ZNF793: variants seen among roughly 807,000 people sequenced by gnomAD.
The protein encoded by ZNF793 is zinc finger protein 793.
In ZNF793, 5 loss-of-function variants were observed where a neutral mutation model predicts 12.4. That is an observed-to-expected ratio of 0.40 (90% CI 0.21 to 0.84). The LOEUF (loss-of-function observed/expected upper bound fraction) is 0.84, where lower values mean the gene tolerates loss of function less well. Among genes scored for constraint, ZNF793 ranks in the 40% least tolerant of loss-of-function variants. ZNF793 has a pLI of 0.35. For synonymous variants in ZNF793, 162 were observed against 172.4 expected (o/e 0.94, Z 0.47); for missense variants, 456 against 495.0 (o/e 0.92, Z 0.75).
At chr19:37,524,300 A>G (rs2147083887) in intron 5 of ZNF793, among the ~76,000 whole-genome samples, 1 of 152,174 alleles carries the variant, frequency 6.6e-6, no homozygotes, top group South Asian at 2.1e-4. Flanking sequence ...TATTTTTTGT[A>G]AAGATGGGGT....
At chr19:37,521,428 TC>T (rs2042374982) in intron 3 of ZNF793, among the ~76,000 whole-genome samples, 1 of 140,520 alleles carries the variant, frequency 7.1e-6, no homozygotes, top group African/African-American at 2.7e-5. Flanking sequence ...TGGTCAATTC[TC>T]TTTTTTTTTT....
At chr19:37,510,648 C>T (rs2042286646) in intron 2 of ZNF793, among the ~76,000 whole-genome samples, 2 of 151,020 alleles carry the variant, frequency 1.3e-5, no homozygotes, top group South Asian at 2.1e-4. Context: ...TGTGCCACTG[C>T]ACCCTAGCCT....
intron 1 of ZNF793, chr19:37,507,335 G>C (rs2291003): frequency 0.027 from 4,051 of 152,472 alleles, 227 homozygotes; most frequent in East Asian, 0.18. Flanking sequence ...TCATGGGTCT[G>C]GGGTCAGTTG....
chr19:37,537,228 C>T lies in ZNF793; in HGVS notation c.570C>T (p.Cys190=), dbSNP rs764790694. 4.3e-6 allele frequency: 7 copies of T among 1,613,754 alleles called. No individual in the cohort carries two copies. Residue 190 remains cysteine, a synonymous_variant, in exon 8 of 8, where the codon TGC becomes TGT. Transcript: ENST00000627814. ...RRPNGEKPRG[C]SHCEKAFTQN... ...CTAATGGAGAAAAGCCCCGGGGTTG[C>T]AGTCACTGTGAGAAAGCTTTCACCC...
chr19:37,537,289 G>A lies in ZNF793; in HGVS notation c.631G>A (p.Asp211Asn), dbSNP rs2042514030. 6.2e-7 allele frequency: 1 copy of A among 1,613,818 alleles called. No individual in the cohort carries two copies. The highest frequency in any genetic ancestry group is 8.5e-7 in the Non-Finnish European group (1 of 1,179,870). Residue 211 changes from aspartate to asparagine, a missense_variant, in exon 8 of 8, where the codon GAT (aspartate) becomes AAT (asparagine). Transcript: ENST00000627814. ...ACTTATGTATAAACCAGCAGTAAGTGATTCTCTCTTGTACAAACGGAAGAG... is the reference window on the plus strand; with the variant it reads ...ACTTATGTATAAACCAGCAGTAAGTAATTCTCTCTTGTACAAACGGAAGAG... ...PALMYKPAVSDSLLYKRKRVP... is the reference protein window; with the variant it reads ...PALMYKPAVSNSLLYKRKRVP...
At chr19:37,519,586 CAA>C (rs1161996590) in intron 2 of ZNF793, among the ~76,000 whole-genome samples, 1 of 152,006 alleles carries the variant, frequency 6.6e-6, no homozygotes, top group Non-Finnish European at 1.5e-5. Flanking sequence ...ACAAATATGA[CAA>C]AGGATTAATA....
intron 2 of ZNF793, among the ~76,000 whole-genome samples, chr19:37,511,940 C>T (rs777948563): frequency 1.8e-4 from 27 of 151,728 alleles, no homozygotes; most frequent in Non-Finnish European, 3.1e-4. Flanking sequence ...AATGAAGTAG[C>T]GTGAAAAAGA....
Position 37,532,394 on chromosome 19 carries a change from C to G in ZNF793, c.54C>G (p.Thr18=). The stretch of plus-strand genomic sequence containing the variant: ...TCAAAGATGTGGTTGTGGGCTTCAC[C>G]CAAGAGGAGTGGCACCGGCTGAGTC... ...VSFKDVVVGF[T]QEEWHRLSPA... The change falls in exon 6 of 8, where the codon ACC becomes ACG. Residue 18 remains threonine (T), a synonymous_variant. Coordinates refer to ENST00000627814, the MANE Select transcript of ZNF793 (RefSeq NM_001013659.3). The G allele has an allele frequency of 6.2e-7, 1 of 1,614,092 alleles. No homozygotes were observed. Among genetic ancestry groups the G allele is most frequent in the South Asian group, 1.1e-5 (1 of 91,076 alleles).
chr19:37,511,079 AT>A (rs1236803749), intron 2 of ZNF793, among the ~76,000 whole-genome samples: 7 of 152,188 alleles, frequency 4.6e-5, no homozygotes, highest in African/African-American at 1.7e-4. Flanking sequence ...ATGAATTTTT[AT>A]ATTACAGAGT....
At position 37,506,951 on chromosome 19, in the gene ZNF793, A is replaced by T. The variant is rs570365622; in HGVS notation, c.-430A>T. The T allele has an allele frequency of 6.6e-6, 1 of 152,204 alleles. No individual in the cohort carries two copies. Among genetic ancestry groups the T allele is most frequent in the South Asian group, 2.1e-4 (1 of 4,834 alleles). 9.4% of individuals were successfully genotyped at this position (152,204 alleles called of 1,614,324 possible). ...CTGCGCACCGGCCATTCAGGATGGG[A>T]CGACCTTATACCGCGGTGAGGCGGC... On this transcript the variant is annotated 5_prime_UTR_variant, in exon 1 of 8. Transcript: ENST00000627814.
intron 2 of ZNF793, among the ~76,000 whole-genome samples, chr19:37,512,924 T>G (rs1205088559): frequency 6.6e-6 from 1 of 152,208 alleles, no homozygotes; most frequent in Non-Finnish European, 1.5e-5. Flanking sequence ...GAGTATGTTC[T>G]CGGTCATTTT....
At chr19:37,519,333 G>A (rs563305576) in intron 2 of ZNF793, among the ~76,000 whole-genome samples, 1 of 152,274 alleles carries the variant, frequency 6.6e-6, no homozygotes, top group African/African-American at 2.4e-5. Flanking sequence ...CCTACCAGCA[G>A]TGTAAGAGAT....
intron 5 of ZNF793, among the ~76,000 whole-genome samples, chr19:37,526,201 C>T (rs942687435): frequency 5.9e-5 from 9 of 152,168 alleles, no homozygotes; most frequent in Admixed American, 4.6e-4. Flanking sequence ...GAGCCTTGAA[C>T]TCCTGGGCTC....
chr19:37,515,288 A>G (rs1158607622), intron 2 of ZNF793, among the ~76,000 whole-genome samples: 1 of 152,058 alleles, frequency 6.6e-6, no homozygotes, highest in Non-Finnish European at 1.5e-5. Context: ...AAATGGATTA[A>G]TGACTTTTTT....
intron 5 of ZNF793, among the ~76,000 whole-genome samples, chr19:37,527,397 A>G (rs913943828): frequency 1.3e-5 from 2 of 152,186 alleles, no homozygotes; most frequent in African/African-American, 4.8e-5. Flanking sequence ...ATATTGATTT[A>G]TATGATTTTT....
chr19:37,520,686 A>G (rs192251311), intron 3 of ZNF793, among the ~76,000 whole-genome samples: 8 of 152,130 alleles, frequency 5.3e-5, no homozygotes, highest in Non-Finnish European at 1.0e-4. Flanking sequence ...GCGTTCTGCT[A>G]TCTTGTGGTA....
intron 2 of ZNF793, among the ~76,000 whole-genome samples, chr19:37,517,373 T>C (rs968830024): frequency 2.0e-5 from 3 of 150,980 alleles, no homozygotes; most frequent in Admixed American, 1.3e-4. Flanking sequence ...GGAGAATCCC[T>C]TGAATCCAGG....
intron 2 of ZNF793, among the ~76,000 whole-genome samples, chr19:37,513,082 T>A (rs759846297): frequency 2.6e-5 from 4 of 152,226 alleles, no homozygotes; most frequent in Non-Finnish European, 5.9e-5. Context: ...TCCTTCTCAA[T>A]GTACCATACC....
chr19:37,510,533 A>AG (rs1374513309), intron 2 of ZNF793, among the ~76,000 whole-genome samples: 1 of 150,318 alleles, frequency 6.7e-6, no homozygotes, highest in Non-Finnish European at 1.5e-5. Flanking sequence ...AAAAAAAAAA[A>AG]ATTAGCTGGG....
Sources: gnomAD v4.1 joint callset for allele counts (sites outside exome capture counted in the v4.1 genomes callset) on GRCh38, gnomAD v4.1.1 for gene constraint, MANE v1.5 for transcripts, NCBI Gene and HGNC (gene_info 2026-07-23, HGNC 2026-07-21) for gene names.